The following DUOX2 variants were observed in gnomAD, a reference collection of about 807,000 sequenced individuals.
DUOX2 encodes the protein NADH/NADPH thyroid oxidase p138-tox.
Under a neutral mutation model 183.3 loss-of-function variants are expected in DUOX2, and 185 were observed. The observed-to-expected ratio is 1.01, with a 90% CI of 0.90 to 1.14. The LOEUF (loss-of-function observed/expected upper bound fraction) is 1.14, where lower values mean the gene tolerates loss of function less well. Ranked by LOEUF, DUOX2 falls within the 50% of genes most tolerant of loss-of-function variation. The probability of loss-of-function intolerance (pLI) is 0.00; values close to 1 mark genes in which losing one functional copy is unlikely to be tolerated. For synonymous variants in DUOX2, 788 were observed against 812.4 expected, an observed-to-expected ratio of 0.97 and a Z score of 0.51; for missense variants, 1,999 against 2,022.9, an observed-to-expected ratio of 0.99 and a Z score of 0.23.
At chr15:45,098,207 G>A in intron 26 of DUOX2, 149 bp from the exon 27 acceptor site, 1 of 716,372 alleles carries the variant, frequency 1.4e-6, no homozygotes, top group South Asian at 1.7e-5. Context: ...CAAGGAACTT[G>A]GCACCCAGGC....
At chr15:45,100,334 G>A (rs750586627) in intron 23 of DUOX2, 106 bp from the exon 24 acceptor site, 12 of 1,109,164 alleles carry the variant, frequency 1.1e-5, no homozygotes, top group Non-Finnish European at 1.3e-5. Flanking sequence ...ATCAGGATGG[G>A]CCACAACAGA....
At chr15:45,106,095 C>T in intron 17 of DUOX2, 30 bp downstream of exon 17, 1 of 1,613,076 alleles carries the variant, frequency 6.2e-7, no homozygotes, top group Non-Finnish European at 8.5e-7. Flanking sequence ...GTGAGGGCAG[C>T]CCAGGCTGGG....
At chr15:45,113,737 A>G (rs571480845) in intron 1 of DUOX2, among the ~76,000 whole-genome samples, 2 of 152,260 alleles carry the variant, frequency 1.3e-5, no homozygotes, top group Non-Finnish European at 1.5e-5. Flanking sequence ...GGACTGGTCA[A>G]GCCTCCCAGG....
chr15:45,108,396 T>A, intron 12 of DUOX2, 174 bp from the exon 13 acceptor site: 1 of 757,378 alleles, frequency 1.3e-6, no homozygotes, highest in Non-Finnish European at 2.2e-6. Context: ...AGGATCAGTG[T>A]GTCCCTACCC....
At chr15:45,111,712 G>T (rs1012713028) in intron 5 of DUOX2, 56 bp downstream of exon 5, 5 of 1,482,878 alleles carry the variant, frequency 3.4e-6, no homozygotes, top group Non-Finnish European at 4.5e-6. Flanking sequence ...CAGGCCCGAA[G>T]CCCAGGCCCC....
At chr15:45,096,348 G>T (rs921102519) in intron 29 of DUOX2, among the ~76,000 whole-genome samples, 5 of 152,092 alleles carry the variant, frequency 3.3e-5, no homozygotes, top group Admixed American at 6.5e-5. Context: ...CCAACCTGCT[G>T]GGTAAAGGGA....
Position 45,111,460 on chromosome 15 carries a change from T to A in DUOX2, c.639A>T (p.Arg213=). 1 of 1,550,510 alleles carries A rather than the reference T, an allele frequency of 6.4e-7. No homozygotes were observed. Among genetic ancestry groups the A allele is most frequent in the Non-Finnish European group, 8.7e-7 (1 of 1,150,408 alleles). Residue 213 remains arginine (R), a synonymous_variant, in exon 6 of 34, where the codon CGA becomes CGT. Transcript: ENST00000389039. ...ACATGAGCAGGGGGTTCTGCGAGTC[T>A]CGGGGGAAAGCGGGGTCGGGCCCCG... ...LASGPDPAFP[R]DSQNPLLMWA... is the part of the protein sequence containing the mutation.
Position 45,112,544 on chromosome 15 carries a change from T to G in DUOX2, c.325+10A>C, listed in dbSNP as rs1325547656. 1.2e-6 allele frequency: 2 copies of G among 1,612,500 alleles called. No individual in the cohort carries two copies. Among genetic ancestry groups the G allele is most frequent in the South Asian group, 2.2e-5 (2 of 91,046 alleles). The stretch of plus-strand genomic sequence containing the variant: ...AGATCAACCCCACTGGTCTCCCCCT[T>G]TGCCCTCACCAAAGAAGACCCCCAG... On this transcript the variant is annotated intron_variant, in intron 4 of 33. Coordinates refer to ENST00000389039, the MANE Select transcript of DUOX2 (RefSeq NM_001363711.2).
At chr15:45,112,215 A>T (rs1179736124) in intron 4 of DUOX2, among the ~76,000 whole-genome samples, 1 of 152,236 alleles carries the variant, frequency 6.6e-6, no homozygotes, top group Non-Finnish European at 1.5e-5. Flanking sequence ...ACCCCAAGTC[A>T]GTCCTCCTCC....
At position 45,099,860 on chromosome 15, in the gene DUOX2, C is replaced by A. The variant is rs1894025796; in HGVS notation, c.3217G>T (p.Ala1073Ser). Reference sequence around the variant, plus strand: ...ATGATGCCCACGAGGGTGGTCTGTGCAATGTCCGAGGGTGGCGAGGCAAAG... The same window carrying A: ...ATGATGCCCACGAGGGTGGTCTGTGAAATGTCCGAGGGTGGCGAGGCAAAG... ...YGFASPPSDI[A>S]QTTLVGIILS... Residue 1073 changes from alanine to serine, a missense_variant, in exon 25 of 34, where the codon GCA becomes TCA. Transcript: ENST00000389039. 1 of 1,614,174 alleles carries A rather than the reference C, an allele frequency of 6.2e-7. No individual in the cohort carries two copies. Among genetic ancestry groups the A allele is most frequent in the Non-Finnish European group, 8.5e-7 (1 of 1,180,038 alleles).
At position 45,109,353 on chromosome 15, in the gene DUOX2, C is replaced by CA. The variant is rs11362140; in HGVS notation, c.1234+170dup. The CA allele has an allele frequency of 0.035, 19,573 of 562,854 alleles. 2 individuals carry two copies. The highest frequency in any genetic ancestry group is 0.039 in the Non-Finnish European group (12,447 of 321,208). 34.9% of individuals were successfully genotyped at this position (562,854 alleles called of 1,614,324 possible). ...AAGCAACACAAAAGTGTAAATTAAG[C>CA]AAAAAAAAAAAAAAAGTTCAAAGTT... On this transcript the variant is annotated intron_variant, in intron 11 of 33. Coordinates refer to ENST00000389039, the MANE Select transcript of DUOX2 (RefSeq NM_001363711.2).
At chr15:45,107,570 G>A in intron 13 of DUOX2, 107 bp from the exon 14 acceptor site, 2 of 1,194,596 alleles carry the variant, frequency 1.7e-6, no homozygotes, top group African/African-American at 1.5e-5. Context: ...GGGGCTGGGT[G>A]CAGTGGCTCA....
At chr15:45,105,005 G>A (rs141433708) in intron 18 of DUOX2, among the ~76,000 whole-genome samples, 5,013 of 152,150 alleles carry the variant, frequency 0.033, 301 homozygotes, top group African/African-American at 0.11. Flanking sequence ...ATTTTTAGTA[G>A]AGATGGGGTT....
intron 29 of DUOX2, among the ~76,000 whole-genome samples, chr15:45,096,272 C>A (rs543221289): frequency 2.0e-5 from 3 of 152,068 alleles, no homozygotes; most frequent in African/African-American, 4.8e-5. Flanking sequence ...CCTGTTCCAG[C>A]CCCTCTCCTC....
chr15:45,098,112 C>T (rs1478396726), intron 26 of DUOX2, 54 bp from the exon 27 acceptor site: 1 of 1,520,256 alleles, frequency 6.6e-7, no homozygotes, highest in Non-Finnish European at 9.1e-7. Flanking sequence ...GGCTCCAGCA[C>T]TGTCACAACA....
In DUOX2 at chr15:45,109,590, G is replaced by A; in HGVS notation, c.1168C>T (p.Leu390=). Residue 390 remains leucine (L), a synonymous_variant, in exon 11 of 34, where the codon CTG becomes TTG. Coordinates refer to ENST00000389039, the MANE Select transcript of DUOX2 (RefSeq NM_001363711.2). The stretch of plus-strand genomic sequence containing the variant: ...ATCTGGGAGGCCATTCCCAGCAGCA[G>A]CTCATTCACCTCCTGGGTACTGTTC... The part of the protein sequence containing the change: ...NLNSTQEVNE[L]LLGMASQISE... 9 of 1,614,114 alleles carry A rather than the reference G, an allele frequency of 5.6e-6. No individual in the cohort carries two copies. Among genetic ancestry groups the A allele is most frequent in the Non-Finnish European group, 7.6e-6 (9 of 1,180,024 alleles).
rs1894308540 is a variant in DUOX2, at chr15:45,109,027, T to C, written c.1235-75A>G. ...TTTGCCCTGCAGCCTTGTATCTGAC[T>C]ATTGGCACTACGGTTCTTCCCTCCT... On this transcript the variant is annotated intron_variant, in intron 11 of 33. Transcript: ENST00000389039. The C allele has an allele frequency of 2.0e-5, 32 of 1,569,648 alleles. No homozygotes were observed. In the South Asian group the frequency reaches 3.4e-4, roughly 16 times the overall value.
chr15:45,105,893 C>A, intron 17 of DUOX2, 65 bp from the exon 18 acceptor site: 1 of 1,599,880 alleles, frequency 6.3e-7, no homozygotes. Flanking sequence ...AGCCTCCCCT[C>A]AATGGATCTT....
In DUOX2 at chr15:45,092,806, A is replaced by G. The variant is rs1052443780; in HGVS notation, c.*1344T>C. ...GGAACAAACTGCTGATACACACAACAGCATGGATGAATTACAAAGGCATTA... is the reference window on the plus strand; with the variant it reads ...GGAACAAACTGCTGATACACACAACGGCATGGATGAATTACAAAGGCATTA... On this transcript the variant is annotated 3_prime_UTR_variant, in exon 34 of 34. Coordinates refer to ENST00000389039, the MANE Select transcript of DUOX2 (RefSeq NM_001363711.2). The G allele has an allele frequency of 6.6e-6, 1 of 152,268 alleles. No individual in the cohort carries two copies. Among genetic ancestry groups the G allele is most frequent in the Non-Finnish European group, 1.5e-5 (1 of 68,050 alleles). The allele number at this position is 152,268 out of a possible 1,614,324, so 9.4% of individuals were successfully genotyped here.
Sources: gnomAD v4.1 joint callset for allele counts (sites outside exome capture counted in the v4.1 genomes callset) on GRCh38, gnomAD v4.1.1 for gene constraint, MANE v1.5 for transcripts, NCBI Gene and HGNC (gene_info 2026-07-23, HGNC 2026-07-21) for gene names.